The following OSBP2 variants were observed in gnomAD, a reference collection of about 807,000 sequenced individuals.
The protein encoded by OSBP2 is oxysterol binding protein 2, also known as oxysterol-binding protein 2.
In OSBP2, 66 loss-of-function variants were observed where a neutral mutation model predicts 96.0. That is an observed-to-expected ratio of 0.69 (90% CI 0.56 to 0.84). OSBP2 has a LOEUF of 0.84. Ranked by LOEUF, OSBP2 falls within the 40% of genes least tolerant of loss-of-function variation. OSBP2 has a pLI of 0.00. For synonymous variants in OSBP2, 525 were observed against 520.9 expected, an observed-to-expected ratio of 1.01 and a Z score of -0.11; for missense variants, 1,038 against 1,222.7, an observed-to-expected ratio of 0.85 and a Z score of 2.25.
chr22:30,790,436 G>A (rs2090657845), intron 2 of OSBP2, among the ~76,000 whole-genome samples: 1 of 152,058 alleles, frequency 6.6e-6, no homozygotes, highest in Admixed American at 6.5e-5. Flanking sequence ...TGGGAAAGAG[G>A]ACAAAGCCAG....
At chr22:30,810,486 G>A (rs1045636540) in intron 2 of OSBP2, among the ~76,000 whole-genome samples, 2 of 152,120 alleles carry the variant, frequency 1.3e-5, no homozygotes, top group Non-Finnish European at 2.9e-5. Context: ...TGCATGCCTG[G>A]ACAACCGCAC....
At chr22:30,730,155 A>T (rs1173374702) in intron 1 of OSBP2, among the ~76,000 whole-genome samples, 1 of 151,850 alleles carries the variant, frequency 6.6e-6, no homozygotes, top group Admixed American at 6.6e-5. Context: ...TAGAGACGGG[A>T]TTTCACCATG....
chr22:30,884,790 T>C (rs1025605156), intron 3 of OSBP2, among the ~76,000 whole-genome samples: 1 of 152,186 alleles, frequency 6.6e-6, no homozygotes, highest in Non-Finnish European at 1.5e-5. Flanking sequence ...GACACCCCCG[T>C]CTCGCTCCCA....
chr22:30,816,010 T>C (rs2091079136), intron 2 of OSBP2, among the ~76,000 whole-genome samples: 1 of 152,196 alleles, frequency 6.6e-6, no homozygotes, highest in Non-Finnish European at 1.5e-5. Context: ...TCACAGCGCC[T>C]TGATGAACTG....
At chr22:30,762,034 G>A (rs1025556644) in intron 2 of OSBP2, among the ~76,000 whole-genome samples, 4 of 149,396 alleles carry the variant, frequency 2.7e-5, no homozygotes, top group Admixed American at 6.7e-5. Flanking sequence ...CAGCCTGGGC[G>A]ATATGGCGAA....
chr22:30,734,335 C>G (rs1468978237), intron 1 of OSBP2, among the ~76,000 whole-genome samples: 1 of 152,136 alleles, frequency 6.6e-6, no homozygotes, highest in Non-Finnish European at 1.5e-5. Flanking sequence ...GGTAGTGAGG[C>G]CACTGAAGCT....
At chr22:30,765,845 A>G (rs1202754497) in intron 2 of OSBP2, among the ~76,000 whole-genome samples, 1 of 152,170 alleles carries the variant, frequency 6.6e-6, no homozygotes, top group African/African-American at 2.4e-5. Context: ...TGTCTATATC[A>G]GGAGTGCTAT....
intron 2 of OSBP2, among the ~76,000 whole-genome samples, chr22:30,855,221 T>A (rs2039057013): frequency 6.6e-6 from 1 of 152,222 alleles, no homozygotes; most frequent in Admixed American, 6.5e-5. Context: ...TGGAAGGGGC[T>A]TCTAACAGGC....
chr22:30,816,884 C>T (rs556185861), intron 2 of OSBP2, among the ~76,000 whole-genome samples: 7 of 152,046 alleles, frequency 4.6e-5, no homozygotes, highest in East Asian at 3.9e-4. Context: ...TACAGGTGTA[C>T]GCACCACACC....
At chr22:30,903,117 G>T (rs1411597476) in intron 12 of OSBP2, among the ~76,000 whole-genome samples, 1 of 152,052 alleles carries the variant, frequency 6.6e-6, no homozygotes, top group Non-Finnish European at 1.5e-5. Flanking sequence ...GAGTCGTTTG[G>T]GCTGCGGTAC....
chr22:30,887,539 G>C lies in OSBP2; in HGVS notation c.1221G>C (p.Ala407=), dbSNP rs201905016. The C allele has an allele frequency of 3.1e-6, 5 of 1,613,594 alleles. No homozygotes were observed. In the East Asian group the frequency reaches 1.1e-4, roughly 36 times the overall value. ...VHLEETIEQL[A]KQHNSLERAF... ...TGGAGGAAACCATTGAGCAGCTGGCGAAGCAGCACAACAGCCTCGAGCGGG... is the reference window on the plus strand; with the variant it reads ...TGGAGGAAACCATTGAGCAGCTGGCCAAGCAGCACAACAGCCTCGAGCGGG... Residue 407 remains alanine (A), a synonymous_variant, in exon 4 of 14, where the codon GCG becomes GCC. Transcript: ENST00000332585.
At chr22:30,704,283 A>C (rs2089210882) in intron 1 of OSBP2, among the ~76,000 whole-genome samples, 1 of 152,220 alleles carries the variant, frequency 6.6e-6, no homozygotes, top group African/African-American at 2.4e-5. Flanking sequence ...TGGCAAAGAA[A>C]CAGAGTGAAG....
intron 2 of OSBP2, among the ~76,000 whole-genome samples, chr22:30,825,363 C>T (rs1172474436): frequency 6.6e-6 from 1 of 152,156 alleles, no homozygotes; most frequent in Non-Finnish European, 1.5e-5. Flanking sequence ...TGGCGTATGC[C>T]TGTAATCCCA....
Position 30,899,318 on chromosome 22 carries a change from G to A in OSBP2, c.2375+5317G>A, listed in dbSNP as rs536009092. On this transcript the variant is annotated intron_variant, in intron 12 of 13. Transcript: ENST00000332585. ...CTACTCAGGAGGCTGAGGCAGGAAG[G>A]TTACTTGAGCCCAGGAAGTCGAGGC... Among the ~76,000 whole-genome samples the A allele has an allele frequency of 5.9e-4, 89 of 150,780 alleles. 1 individual carries two copies. In the South Asian group the frequency reaches 0.018, roughly 31 times the overall value.
intron 2 of OSBP2, among the ~76,000 whole-genome samples, chr22:30,839,868 T>C (rs534713272): frequency 6.6e-5 from 10 of 152,264 alleles, no homozygotes; most frequent in Non-Finnish European, 1.3e-4. Flanking sequence ...TTGTCAATTT[T>C]GGCTTTTGTT....
intron 2 of OSBP2, among the ~76,000 whole-genome samples, chr22:30,837,685 G>A (rs2038664483): frequency 6.6e-6 from 1 of 152,196 alleles, no homozygotes. Context: ...TGCTGAGGCT[G>A]CGATTGTGAT....
At chr22:30,780,983 T>A (rs1207793639) in intron 2 of OSBP2, among the ~76,000 whole-genome samples, 4 of 150,946 alleles carry the variant, frequency 2.6e-5, no homozygotes, top group African/African-American at 9.7e-5. Flanking sequence ...TATTTAAAAT[T>A]TTTTTTTTTG....
Position 30,893,253 on chromosome 22 carries a change from G to A in OSBP2, c.1990+11G>A, listed in dbSNP as rs993067672. 6.2e-7 allele frequency: 1 copy of A among 1,613,998 alleles called. No homozygotes were observed. The highest frequency in any genetic ancestry group is 1.3e-5 in the African/African-American group (1 of 75,026). ...CCATCATGCCGCTAGGTGAGCTGGG[G>A]CCCGGTGCCTTCCTGGGACACAGAG... On this transcript the variant is annotated intron_variant, in intron 9 of 13. Coordinates refer to ENST00000332585, the MANE Select transcript of OSBP2 (RefSeq NM_030758.4).
intron 2 of OSBP2, among the ~76,000 whole-genome samples, chr22:30,764,552 A>C (rs136337): frequency 0.59 from 89,849 of 151,896 alleles, 26,758 homozygotes; most frequent in Non-Finnish European, 0.63. Flanking sequence ...GGTCCACTTA[A>C]CAGTCCTCTC....
Sources: allele counts gnomAD v4.1 joint callset (sites outside exome capture counted in the v4.1 genomes callset), GRCh38; gene constraint gnomAD v4.1.1; transcripts MANE v1.5; gene names NCBI Gene and HGNC (gene_info 2026-07-23, HGNC 2026-07-21).